TTLL5: variants seen among roughly 807,000 people sequenced by gnomAD.
The protein encoded by TTLL5 is tubulin tyrosine ligase like 5.
A neutral mutation model predicts 168.4 loss-of-function variants in TTLL5; 132 were observed. That is an observed-to-expected ratio of 0.78 (90% CI 0.68 to 0.91). The LOEUF is 0.91. Among genes scored for constraint, TTLL5 ranks in the 40% least tolerant of loss-of-function variants. The pLI is 0.00. For missense variants in TTLL5, 1,545 were observed against 1,581.5 expected, an observed-to-expected ratio of 0.98 and a Z score of 0.39; for synonymous variants, 546 against 558.6, an observed-to-expected ratio of 0.98 and a Z score of 0.32.
intron 31 of TTLL5, among the ~76,000 whole-genome samples, chr14:75,903,249 C>A (rs2033002470): frequency 6.6e-6 from 1 of 152,104 alleles, no homozygotes; most frequent in African/African-American, 2.4e-5. Context: ...CTGGGAACGG[C>A]TTCCTAGAGG....
intron 28 of TTLL5, among the ~76,000 whole-genome samples, chr14:75,831,766 C>T (rs1164615050): frequency 2.6e-5 from 4 of 152,150 alleles, no homozygotes; most frequent in African/African-American, 9.7e-5. Context: ...GTTCCCATAT[C>T]ACATTTTTTC....
chr14:75,662,357 T>G (rs1364567499), intron 1 of TTLL5, among the ~76,000 whole-genome samples: 2 of 151,080 alleles, frequency 1.3e-5, no homozygotes, highest in Admixed American at 6.6e-5. Flanking sequence ...CGGAGTTCAC[T>G]CTTGTTGCCC....
chr14:75,708,040 A>G (rs932015798), intron 9 of TTLL5, among the ~76,000 whole-genome samples: 1 of 152,186 alleles, frequency 6.6e-6, no homozygotes, highest in African/African-American at 2.4e-5. Flanking sequence ...TATTAAGATA[A>G]TTTGCTGTTA....
intron 27 of TTLL5, chr14:75,818,496 T>TC (rs1391880863): frequency 2.0e-5 from 8 of 400,054 alleles, no homozygotes; most frequent in African/African-American, 4.4e-5. Flanking sequence ...TCTTTTCTTT[T>TC]TTTTTTTTTG....
intron 29 of TTLL5, among the ~76,000 whole-genome samples, chr14:75,869,316 G>A (rs941467354): frequency 2.0e-5 from 3 of 151,868 alleles, no homozygotes; most frequent in African/African-American, 4.8e-5. Context: ...TACTGCATTC[G>A]GTTGTTTTGG....
At chr14:75,672,309 C>T (rs559481050) in intron 3 of TTLL5, among the ~76,000 whole-genome samples, 3 of 152,032 alleles carry the variant, frequency 2.0e-5, no homozygotes, top group Non-Finnish European at 4.4e-5. Context: ...TGCAGTGGCA[C>T]AATCTCAGCT....
intron 31 of TTLL5, among the ~76,000 whole-genome samples, chr14:75,937,219 C>T (rs998657590): frequency 2.6e-5 from 4 of 151,636 alleles, no homozygotes; most frequent in African/African-American, 9.7e-5. Context: ...CTGGTTCAAG[C>T]GATTCTCCTG....
At chr14:75,915,010 T>G (rs2033563986) in intron 31 of TTLL5, among the ~76,000 whole-genome samples, 1 of 152,180 alleles carries the variant, frequency 6.6e-6, no homozygotes, top group Admixed American at 6.5e-5. Context: ...ATGAAGATGT[T>G]CCATTTTAGA....
intron 31 of TTLL5, among the ~76,000 whole-genome samples, chr14:75,918,538 A>G (rs759272612): frequency 6.6e-6 from 1 of 152,162 alleles, no homozygotes; most frequent in Non-Finnish European, 1.5e-5. Flanking sequence ...TTTCAGTTAC[A>G]GTAACACATG....
chr14:75,705,294 CTCAT>C (rs1473383901), intron 7 of TTLL5, among the ~76,000 whole-genome samples: 1 of 152,172 alleles, frequency 6.6e-6, no homozygotes, highest in African/African-American at 2.4e-5. Context: ...AGAGAGGACT[CTCAT>C]TCTGACTTCA....
intron 18 of TTLL5, among the ~76,000 whole-genome samples, chr14:75,759,485 T>A (rs1163354861): frequency 2.0e-5 from 3 of 152,156 alleles, no homozygotes; most frequent in African/African-American, 7.2e-5. Flanking sequence ...CTTATACAGA[T>A]TCTTTTAAGA....
chr14:75,682,568 G>A (rs905476665), intron 4 of TTLL5, among the ~76,000 whole-genome samples: 1 of 152,182 alleles, frequency 6.6e-6, no homozygotes, highest in African/African-American at 2.4e-5. Flanking sequence ...GGGGATGGGT[G>A]GGTGATTGAC....
intron 12 of TTLL5, among the ~76,000 whole-genome samples, chr14:75,721,140 C>T (rs1887811611): frequency 6.6e-6 from 1 of 152,126 alleles, no homozygotes; most frequent in African/African-American, 2.4e-5. Context: ...CTAGTGTGTT[C>T]CTCCCCCTCC....
intron 31 of TTLL5, among the ~76,000 whole-genome samples, chr14:75,907,656 G>A (rs559662418): frequency 6.6e-6 from 1 of 152,322 alleles, no homozygotes; most frequent in African/African-American, 2.4e-5. Context: ...AAAGGAATGA[G>A]AAGAGAGAAG....
intron 28 of TTLL5, among the ~76,000 whole-genome samples, chr14:75,835,201 C>T (rs182441174): frequency 8.5e-5 from 13 of 152,282 alleles, no homozygotes; most frequent in Admixed American, 6.5e-4. Context: ...AACACACTTC[C>T]ACATACAAGA....
At chr14:75,781,035 A>G (rs973920978) in intron 24 of TTLL5, among the ~76,000 whole-genome samples, 4 of 152,202 alleles carry the variant, frequency 2.6e-5, no homozygotes, top group Admixed American at 6.5e-5. Flanking sequence ...AAAAACTCCT[A>G]TAAGAGTTTT....
At chr14:75,701,635 T>C (rs8018258) in intron 7 of TTLL5, among the ~76,000 whole-genome samples, 2,386 of 152,330 alleles carry the variant, frequency 0.016, 79 homozygotes, top group African/African-American at 0.054. Context: ...TTTTCCTTTT[T>C]GTGTGTACTG....
At position 75,764,674 on chromosome 14, in the gene TTLL5, T is replaced by A. The variant is rs1890854230; in HGVS notation, c.1610T>A (p.Leu537Gln). The A allele has an allele frequency of 1.9e-6, 3 of 1,614,084 alleles. No individual in the cohort carries two copies. Among genetic ancestry groups the A allele is most frequent in the Non-Finnish European group, 1.7e-6 (2 of 1,180,018 alleles). The change falls in exon 19 of 32, where the codon CTG becomes CAG. Residue 537 changes from leucine to glutamine, a missense_variant. Transcript: ENST00000298832. ...KIESLNSKAKLHAALYERKLL... is the reference protein window; with the variant it reads ...KIESLNSKAKQHAALYERKLL... ...GAGAGTCTGAATTCAAAGGCCAAGC[T>A]GCATGCTGCACTTTACGAGAGGAAG...
intron 29 of TTLL5, among the ~76,000 whole-genome samples, chr14:75,877,108 A>C (rs1039911349): frequency 1.2e-4 from 18 of 152,208 alleles, no homozygotes; most frequent in African/African-American, 4.3e-4. Context: ...CAAGGGTCAC[A>C]AAGAGACATT....
Sources: allele counts gnomAD v4.1 joint callset (sites outside exome capture counted in the v4.1 genomes callset), GRCh38; gene constraint gnomAD v4.1.1; transcripts MANE v1.5; gene names NCBI Gene and HGNC (gene_info 2026-07-23, HGNC 2026-07-21).